EML6: variants seen among roughly 807,000 people sequenced by gnomAD.
The protein encoded by EML6 is EMAP like 6, also known as echinoderm microtubule-associated protein-like 6.
Under a neutral mutation model 240.1 loss-of-function variants are expected in EML6, and 154 were observed. The observed-to-expected ratio is 0.64, with a 90% CI of 0.56 to 0.73. EML6 has a LOEUF of 0.73. Ranked by LOEUF, EML6 falls within the 30% of genes least tolerant of loss-of-function variation. The pLI, the probability that EML6 is intolerant of heterozygous loss-of-function variation, is 0.00. For synonymous variants in EML6, 1,148 were observed against 899.0 expected (o/e 1.28, Z -4.95); for missense variants, 2,964 against 2,474.6 (o/e 1.20, Z -4.20).
intron 16 of EML6, among the ~76,000 whole-genome samples, chr2:54,877,459 TAAA>T (rs5831327): frequency 4.6e-5 from 7 of 151,818 alleles, no homozygotes; most frequent in Admixed American, 3.3e-4. Flanking sequence ...TTAAAAGTCT[TAAA>T]AAAAAGCTTA....
intron 2 of EML6, among the ~76,000 whole-genome samples, chr2:54,767,603 T>A (rs1668235464): frequency 8.1e-6 from 1 of 123,786 alleles, no homozygotes; most frequent in Non-Finnish European, 1.9e-5. Context: ...GAAGAGTGTG[T>A]GTGTGTGTGT....
chr2:54,776,973 G>A (rs774456976), intron 2 of EML6, among the ~76,000 whole-genome samples: 1 of 152,060 alleles, frequency 6.6e-6, no homozygotes, highest in African/African-American at 2.4e-5. Flanking sequence ...AAACACCTTT[G>A]ATTTTGTTCA....
At chr2:54,787,866 G>A (rs1669171953) in intron 2 of EML6, among the ~76,000 whole-genome samples, 1 of 151,984 alleles carries the variant, frequency 6.6e-6, no homozygotes, top group Non-Finnish European at 1.5e-5. Flanking sequence ...CAATTTTTAG[G>A]CCAGACCTAA....
intron 4 of EML6, among the ~76,000 whole-genome samples, chr2:54,818,685 C>T (rs1260509579): frequency 1.3e-5 from 2 of 152,294 alleles, no homozygotes; most frequent in African/African-American, 2.4e-5. Context: ...AGTGACTGTG[C>T]ATGTGCTATT....
At chr2:54,874,849 G>C (rs1044782712) in intron 16 of EML6, among the ~76,000 whole-genome samples, 1 of 152,170 alleles carries the variant, frequency 6.6e-6, no homozygotes, top group Non-Finnish European at 1.5e-5. Context: ...TTTATAGGCT[G>C]AGAATGGACA....
At chr2:54,914,570 TTA>T (rs1178500749) in intron 25 of EML6, among the ~76,000 whole-genome samples, 75 of 123,314 alleles carry the variant, frequency 6.1e-4, no homozygotes, top group African/African-American at 2.2e-3. Flanking sequence ...GAGTTAAGAG[TTA>T]ATTTGTTACC....
At chr2:54,933,429 C>T (rs565777386) in intron 28 of EML6, among the ~76,000 whole-genome samples, 2 of 152,132 alleles carry the variant, frequency 1.3e-5, no homozygotes, top group African/African-American at 4.8e-5. Flanking sequence ...TAAAATGGCC[C>T]CATTTAAAAC....
intron 28 of EML6, among the ~76,000 whole-genome samples, chr2:54,930,293 C>T (rs1048733492): frequency 6.6e-6 from 1 of 152,210 alleles, no homozygotes; most frequent in South Asian, 2.1e-4. Flanking sequence ...TGATTTCAAA[C>T]CCTAACCAAG....
chr2:54,838,623 G>T (rs955030887), intron 7 of EML6, among the ~76,000 whole-genome samples: 2 of 152,210 alleles, frequency 1.3e-5, no homozygotes, highest in Non-Finnish European at 1.5e-5. Context: ...GAATTGGAAG[G>T]TTGCTGTTTC....
intron 7 of EML6, among the ~76,000 whole-genome samples, chr2:54,832,209 C>T (rs958133029): frequency 9.9e-5 from 15 of 152,156 alleles, no homozygotes; most frequent in Non-Finnish European, 1.9e-4. Context: ...AAAGTCTGGC[C>T]CACCCATTGC....
At position 54,847,516 on chromosome 2, in the gene EML6, C is replaced by T. The variant is rs191361627; in HGVS notation, c.1080C>T (p.Ile360=). ...RLWSLADHAL[I]ARCNMEEAVR... is the part of the protein sequence containing the mutation. ...GGAGCCTGGCTGATCATGCCTTGATCGCCCGCTGTAACATGGAAGAGGCGG... is the reference window on the plus strand; with the variant it reads ...GGAGCCTGGCTGATCATGCCTTGATTGCCCGCTGTAACATGGAAGAGGCGG... The change falls in exon 9 of 42, where the codon ATC becomes ATT. Residue 360 remains isoleucine (I), a synonymous_variant. Transcript: ENST00000356458. The T allele has an allele frequency of 4.9e-5, 76 of 1,551,822 alleles. No homozygotes were observed. The African/African-American group carries it at 6.3e-4, about 13-fold the overall frequency.
chr2:54,903,019 G>C, intron 22 of EML6, 25 bp from the exon 23 acceptor site: 1 of 1,544,966 alleles, frequency 6.5e-7, no homozygotes, highest in South Asian at 1.2e-5. Context: ...TGGATAATAA[G>C]TGTTTTTTGT....
chr2:54,765,615 A>C (rs1210691067), intron 2 of EML6, among the ~76,000 whole-genome samples: 1 of 151,970 alleles, frequency 6.6e-6, no homozygotes, highest in Non-Finnish European at 1.5e-5. Context: ...CACCCGCCCT[A>C]TGTCCGGCTA....
intron 19 of EML6, among the ~76,000 whole-genome samples, chr2:54,893,793 TTGTTAGGTATGCAAC>T (rs934487420): frequency 1.3e-5 from 2 of 152,234 alleles, no homozygotes; most frequent in African/African-American, 4.8e-5. Context: ...AAGTAGGTTC[TTGTTAGGTATGCAAC>T]TGTAACGGTT....
At chr2:54,809,119 C>T (rs888115268) in intron 2 of EML6, among the ~76,000 whole-genome samples, 10 of 152,140 alleles carry the variant, frequency 6.6e-5, no homozygotes, top group Admixed American at 2.0e-4. Context: ...TCTTGAGACT[C>T]GCAATGAAAG....
At chr2:54,827,796 G>A (rs1299074964) in intron 6 of EML6, 45 bp downstream of exon 6, 1 of 1,393,484 alleles carries the variant, frequency 7.2e-7, no homozygotes, top group Non-Finnish European at 9.9e-7. Context: ...TACCAAATAA[G>A]GTAAGACCAC....
At chr2:54,777,564 A>T (rs1275850214) in intron 2 of EML6, among the ~76,000 whole-genome samples, 1 of 152,220 alleles carries the variant, frequency 6.6e-6, no homozygotes, top group Admixed American at 6.5e-5. Flanking sequence ...GGGGAAATGT[A>T]ATTACTATCT....
chr2:54,962,305 C>T (rs1676556188), intron 35 of EML6, among the ~76,000 whole-genome samples: 1 of 152,070 alleles, frequency 6.6e-6, no homozygotes, highest in South Asian at 2.1e-4. Context: ...GCATTAGGTG[C>T]ATTCACATGT....
At chr2:54,969,211 T>C (rs1676884197) in intron 41 of EML6, among the ~76,000 whole-genome samples, 1 of 152,168 alleles carries the variant, frequency 6.6e-6, no homozygotes, top group Non-Finnish European at 1.5e-5. Context: ...AAATAGAGTA[T>C]AGAGGAACAG....
Sources: gnomAD v4.1 joint callset for allele counts (sites outside exome capture counted in the v4.1 genomes callset) on GRCh38, gnomAD v4.1.1 for gene constraint, MANE v1.5 for transcripts, NCBI Gene and HGNC (gene_info 2026-07-23, HGNC 2026-07-21) for gene names.